IFT80: variants seen among roughly 807,000 people sequenced by gnomAD.
The protein encoded by IFT80 is intraflagellar transport protein 80 homolog.
Under a neutral mutation model 107.9 loss-of-function variants are expected in IFT80, and 79 were observed. That is an observed-to-expected ratio of 0.73 (90% CI 0.61 to 0.88). The LOEUF (loss-of-function observed/expected upper bound fraction) is 0.88. Ranked by LOEUF, IFT80 falls within the 40% of genes least tolerant of loss-of-function variation. IFT80 has a pLI of 0.00. For missense variants in IFT80, 797 were observed against 914.2 expected, an observed-to-expected ratio of 0.87 and a Z score of 1.65; for synonymous variants, 299 against 300.9, an observed-to-expected ratio of 0.99 and a Z score of 0.07.
chr3:160,298,723 A>T (rs1251406280), intron 12 of IFT80, among the ~76,000 whole-genome samples: 1 of 152,142 alleles, frequency 6.6e-6, no homozygotes, highest in Non-Finnish European at 1.5e-5. Context: ...GAGGGTACTT[A>T]TACAAACCTA....
chr3:160,311,922 A>G (rs1717293194), intron 9 of IFT80, among the ~76,000 whole-genome samples: 1 of 152,090 alleles, frequency 6.6e-6, no homozygotes, highest in Non-Finnish European at 1.5e-5. Context: ...CTGGGACTAC[A>G]GGCGCCCGCC....
chr3:160,268,503 ATG>A lies in IFT80; in HGVS notation c.2131_2132del (p.His711CysfsTer2), dbSNP rs754746882. ...ALELAVKYKTHVDTVLAYRQK... is the reference protein window; with the variant it reads ...ALELAVKYKTXVDTVLAYRQK... ...GACGGTAAGCAAGAACTGTATCAAC[ATG>A]TGTTTTGTATTTTACAGCCAATTCC... On this transcript the variant is annotated frameshift_variant, in exon 19 of 20. Transcript: ENST00000326448. LOFTEE classifies it high-confidence loss of function. 1 of 1,613,290 alleles carries A rather than the reference ATG, an allele frequency of 6.2e-7. No individual in the cohort carries two copies. The highest frequency in any genetic ancestry group is 1.1e-5 in the South Asian group (1 of 91,068).
intron 12 of IFT80, among the ~76,000 whole-genome samples, chr3:160,295,298 G>A (rs1715887728): frequency 6.6e-6 from 1 of 151,984 alleles, no homozygotes; most frequent in African/African-American, 2.4e-5. Context: ...AATATATTAC[G>A]AAGGTTCCTC....
At chr3:160,280,609 G>C in intron 15 of IFT80, 58 bp downstream of exon 15, 1 of 1,428,916 alleles carries the variant, frequency 7.0e-7, no homozygotes, top group Non-Finnish European at 9.8e-7. Context: ...GCCAAAACAT[G>C]ATACTCTATT....
Position 160,258,384 on chromosome 3 carries a change from G to A in IFT80, c.*141C>T, listed in dbSNP as rs912510283. ...TACTTTGTGTTTCATCTTTCTGCAT[G>A]TACTTTTACACTAAATACACAGCAA... On this transcript the variant is annotated 3_prime_UTR_variant, in exon 20 of 20. Coordinates refer to ENST00000326448, the MANE Select transcript of IFT80 (RefSeq NM_020800.3). 3 of 985,118 alleles carry A rather than the reference G, an allele frequency of 3.0e-6. No homozygotes were observed. The African/African-American group carries it at 4.9e-5, about 16-fold the overall frequency. The allele number at this position is 985,118 out of a possible 1,614,324, so 61.0% of individuals were successfully genotyped here.
At chr3:160,263,813 A>C (rs1454735066) in intron 19 of IFT80, among the ~76,000 whole-genome samples, 2 of 151,880 alleles carry the variant, frequency 1.3e-5, no homozygotes, top group African/African-American at 4.8e-5. Flanking sequence ...AGTAGCTGGG[A>C]CTACAGGTGC....
At chr3:160,300,578 CA>C (rs1242599832) in intron 12 of IFT80, among the ~76,000 whole-genome samples, 1 of 152,066 alleles carries the variant, frequency 6.6e-6, no homozygotes, top group East Asian at 1.9e-4. Context: ...CCTTAATATA[CA>C]GTTTTAGGAC....
chr3:160,295,742 A>T (rs527990288), intron 12 of IFT80, among the ~76,000 whole-genome samples: 1 of 152,344 alleles, frequency 6.6e-6, no homozygotes, highest in African/African-American at 2.4e-5. Context: ...ATGTAGAAAC[A>T]ACCTAAATAT....
intron 8 of IFT80, among the ~76,000 whole-genome samples, chr3:160,350,618 C>T (rs1184925104): frequency 6.6e-6 from 1 of 152,032 alleles, no homozygotes; most frequent in African/African-American, 2.4e-5. Flanking sequence ...AGATTGAGAC[C>T]ATCCTGGCCA....
chr3:160,333,656 TC>T (rs2108321249), intron 8 of IFT80, among the ~76,000 whole-genome samples: 1 of 152,292 alleles, frequency 6.6e-6, no homozygotes, highest in African/African-American at 2.4e-5. Flanking sequence ...CTACATCTTG[TC>T]CCACTGGAAG....
intron 1 of IFT80, among the ~76,000 whole-genome samples, chr3:160,385,862 G>T (rs1275673781): frequency 6.6e-6 from 1 of 152,102 alleles, no homozygotes; most frequent in Non-Finnish European, 1.5e-5. Context: ...CACAATAATT[G>T]AAATTTACTC....
chr3:160,359,326 A>G (rs1158096720), intron 6 of IFT80, among the ~76,000 whole-genome samples: 6 of 152,180 alleles, frequency 3.9e-5, no homozygotes, highest in African/African-American at 1.2e-4. Flanking sequence ...CCTGAGTTTC[A>G]TTTCTATAAG....
intron 8 of IFT80, among the ~76,000 whole-genome samples, chr3:160,352,636 C>A (rs1333185576): frequency 6.6e-6 from 1 of 152,026 alleles, no homozygotes; most frequent in African/African-American, 2.4e-5. Context: ...AAATAGTGCC[C>A]AAGAATGTGT....
chr3:160,274,718 C>T (rs1442732222), intron 18 of IFT80: 1 of 152,192 alleles, frequency 6.6e-6, no homozygotes, highest in African/African-American at 2.4e-5. Context: ...GCAGGCAGAT[C>T]ACTTGAGGTC....
chr3:160,368,077 G>A (rs771037204), intron 5 of IFT80, among the ~76,000 whole-genome samples: 41 of 151,844 alleles, frequency 2.7e-4, no homozygotes, highest in Non-Finnish European at 4.9e-4. Context: ...ATGAATAAAT[G>A]AATGAATCAT....
intron 5 of IFT80, among the ~76,000 whole-genome samples, chr3:160,374,574 C>T (rs1222124769): frequency 6.6e-6 from 1 of 152,148 alleles, no homozygotes; most frequent in African/African-American, 2.4e-5. Context: ...AGCTGCTGCA[C>T]ACTGTCTCAG....
intron 8 of IFT80, among the ~76,000 whole-genome samples, chr3:160,354,615 T>C (rs965526880): frequency 1.3e-5 from 2 of 152,056 alleles, no homozygotes. Flanking sequence ...ACCGCACCAC[T>C]GCACTCCAGC....
At chr3:160,294,165 A>C (rs1412030201) in intron 12 of IFT80, among the ~76,000 whole-genome samples, 2 of 152,176 alleles carry the variant, frequency 1.3e-5, no homozygotes, top group Non-Finnish European at 2.9e-5. Flanking sequence ...CACCCCCACA[A>C]AACTAGTGCT....
intron 9 of IFT80, among the ~76,000 whole-genome samples, chr3:160,315,836 T>C (rs1717776635): frequency 6.6e-6 from 1 of 152,138 alleles, no homozygotes. Flanking sequence ...TTATCTTTTT[T>C]TTAGAAAGGG....
Sources: gnomAD v4.1 joint callset for allele counts (sites outside exome capture counted in the v4.1 genomes callset) on GRCh38, gnomAD v4.1.1 for gene constraint, MANE v1.5 for transcripts, NCBI Gene and HGNC (gene_info 2026-07-23, HGNC 2026-07-21) for gene names.